The following ARHGAP32 variants were observed in gnomAD, a reference collection of about 807,000 sequenced individuals.
ARHGAP32 encodes Rho GTPase activating protein 32, also known as rho GTPase-activating protein 32.
Under a neutral mutation model 186.5 loss-of-function variants are expected in ARHGAP32, and 51 were observed. That is an observed-to-expected ratio of 0.27 (90% CI 0.22 to 0.35). The LOEUF is 0.35. ARHGAP32 is among the 10% of genes least tolerant of loss of function. The pLI, the probability that ARHGAP32 is intolerant of heterozygous loss-of-function variation, is 1.00. For synonymous variants in ARHGAP32, 950 were observed against 964.3 expected (o/e 0.99, Z 0.27); for missense variants, 2,186 against 2,623.5 (o/e 0.83, Z 3.64).
intron 2 of ARHGAP32, among the ~76,000 whole-genome samples, chr11:129,147,311 T>C (rs1003627626): frequency 3.3e-5 from 5 of 152,316 alleles, no homozygotes; most frequent in African/African-American, 1.2e-4. Context: ...ATTTCATATG[T>C]ATACAGCATA....
At chr11:129,151,213 G>T (rs1460484823) in intron 2 of ARHGAP32, among the ~76,000 whole-genome samples, 1 of 151,996 alleles carries the variant, frequency 6.6e-6, no homozygotes, top group African/African-American at 2.4e-5. Context: ...TTAACACGAG[G>T]TCTCCCAAAT....
chr11:129,235,697 T>C (rs1944919879), intron 1 of ARHGAP32, among the ~76,000 whole-genome samples: 1 of 151,864 alleles, frequency 6.6e-6, no homozygotes, highest in African/African-American at 2.4e-5. Context: ...CTTTTATCTC[T>C]CCCCCTTCCC....
chr11:129,135,095 A>G (rs1189057694), intron 2 of ARHGAP32, among the ~76,000 whole-genome samples: 1 of 152,244 alleles, frequency 6.6e-6, no homozygotes, highest in East Asian at 1.9e-4. Flanking sequence ...CCTCATTTGC[A>G]TAGATTAGAA....
intron 12 of ARHGAP32, among the ~76,000 whole-genome samples, chr11:128,997,637 T>G (rs1946236743): frequency 6.6e-6 from 1 of 152,156 alleles, no homozygotes; most frequent in Admixed American, 6.5e-5. Flanking sequence ...TTCCCTCCTA[T>G]CCATCCCCCC....
At chr11:129,135,043 A>C (rs1372826987) in intron 2 of ARHGAP32, among the ~76,000 whole-genome samples, 2 of 152,230 alleles carry the variant, frequency 1.3e-5, no homozygotes, top group Non-Finnish European at 2.9e-5. Flanking sequence ...TTGTTCAAAA[A>C]TTAAAGACAA....
intron 22 of ARHGAP32, 148 bp downstream of exon 22, chr11:128,972,305 C>A (rs776028269): frequency 3.1e-5 from 27 of 882,378 alleles, no homozygotes; most frequent in Non-Finnish European, 4.3e-5. Flanking sequence ...AGACTCCAAC[C>A]TCAAATGGGA....
chr11:129,177,694 T>C (rs1943951197), intron 1 of ARHGAP32, among the ~76,000 whole-genome samples: 1 of 152,160 alleles, frequency 6.6e-6, no homozygotes, highest in Admixed American at 6.6e-5. Context: ...AACCACATGA[T>C]TATCTCAATA....
At chr11:129,173,095 A>T (rs1943807323) in intron 1 of ARHGAP32, among the ~76,000 whole-genome samples, 2 of 152,168 alleles carry the variant, frequency 1.3e-5, no homozygotes, top group Admixed American at 1.3e-4. Flanking sequence ...AAGAGAGAGA[A>T]GAATCAAACA....
upstream of ARHGAP32, among the ~76,000 whole-genome samples, chr11:129,193,266 G>A (rs1944300890): frequency 8.3e-6 from 1 of 121,072 alleles, no homozygotes; most frequent in Non-Finnish European, 1.6e-5. Context: ...GAGCTCAAGA[G>A]TTCAAGACCA....
intron 1 of ARHGAP32, among the ~76,000 whole-genome samples, chr11:129,274,846 A>C (rs1268545389): frequency 1.3e-5 from 2 of 152,020 alleles, no homozygotes; most frequent in Non-Finnish European, 2.9e-5. Context: ...GTACATATAC[A>C]TATGGGGAAA....
rs1204913968 is a variant in ARHGAP32, at chr11:129,177,210, A to C, written c.117-12783T>G. ...AGAAGAAATGGATAAATTCCTTGAC[A>C]CATACACTCTACCAAGACTAAACCA... On this transcript the variant is annotated intron_variant, in intron 1 of 22. Coordinates refer to ENST00000682385, the MANE Select transcript of ARHGAP32 (RefSeq NM_001378024.1). Among the ~76,000 whole-genome samples, 5 of 152,202 alleles carry C rather than the reference A, an allele frequency of 3.3e-5. No individual in the cohort carries two copies. In the South Asian group the frequency reaches 1.0e-3, roughly 32 times the overall value.
chr11:129,236,295 T>C (rs1322361066), intron 1 of ARHGAP32, among the ~76,000 whole-genome samples: 1 of 152,202 alleles, frequency 6.6e-6, no homozygotes, highest in Non-Finnish European at 1.5e-5. Flanking sequence ...CACAGTGGTT[T>C]TGATTTGCAT....
chr11:129,220,587 A>AC (rs1237489717), intron 1 of ARHGAP32, among the ~76,000 whole-genome samples: 1 of 152,020 alleles, frequency 6.6e-6, no homozygotes, highest in African/African-American at 2.4e-5. Flanking sequence ...ATAAACACAT[A>AC]CCCTCTGATT....
At chr11:129,003,961 T>G (rs1466279438) in intron 11 of ARHGAP32, among the ~76,000 whole-genome samples, 1 of 151,980 alleles carries the variant, frequency 6.6e-6, no homozygotes, top group Non-Finnish European at 1.5e-5. Flanking sequence ...TAAAATACAT[T>G]GCTAGGGTGT....
At chr11:129,031,840 A>G (rs1466138865) in intron 11 of ARHGAP32, among the ~76,000 whole-genome samples, 2 of 152,298 alleles carry the variant, frequency 1.3e-5, no homozygotes, top group Non-Finnish European at 1.5e-5. Context: ...CCCTGCCAGC[A>G]GAGCAGTAGA....
chr11:129,221,090 AG>A (rs1944704739), intron 1 of ARHGAP32, among the ~76,000 whole-genome samples: 1 of 152,150 alleles, frequency 6.6e-6, no homozygotes, highest in Non-Finnish European at 1.5e-5. Flanking sequence ...AAAAGTCTAC[AG>A]AAAAAAATGA....
At chr11:129,173,770 C>T (rs1943827745) in intron 1 of ARHGAP32, among the ~76,000 whole-genome samples, 1 of 151,974 alleles carries the variant, frequency 6.6e-6, no homozygotes, top group South Asian at 2.1e-4. Context: ...TATTGAAAAA[C>T]ACAAATACAG....
intron 1 of ARHGAP32, among the ~76,000 whole-genome samples, chr11:129,220,505 G>C (rs1944699033): frequency 1.3e-5 from 2 of 152,152 alleles, no homozygotes; most frequent in Non-Finnish European, 2.9e-5. Flanking sequence ...TATTCCCCAA[G>C]TACAGGAGAA....
chr11:129,004,391 T>A (rs955664653), intron 11 of ARHGAP32, among the ~76,000 whole-genome samples: 13 of 152,060 alleles, frequency 8.5e-5, no homozygotes, highest in African/African-American at 3.1e-4. Context: ...ATTAGGTCTA[T>A]TTAGTCTATA....
Sources: allele counts gnomAD v4.1 joint callset (sites outside exome capture counted in the v4.1 genomes callset), GRCh38; gene constraint gnomAD v4.1.1; transcripts MANE v1.5; gene names NCBI Gene and HGNC (gene_info 2026-07-23, HGNC 2026-07-21).